Variants in EFCAB6 observed in about 807,000 individuals in gnomAD.
EFCAB6 encodes the protein EF-hand calcium binding domain 6.
Under a neutral mutation model 169.8 loss-of-function variants are expected in EFCAB6, and 156 were observed. That is an observed-to-expected ratio of 0.92 (90% CI 0.81 to 1.05). EFCAB6 has a LOEUF of 1.05. EFCAB6 is among the 50% of genes least tolerant of loss of function. EFCAB6 has a pLI of 0.00. For synonymous variants in EFCAB6, 698 were observed against 676.4 expected, an observed-to-expected ratio of 1.03 and a Z score of -0.50; for missense variants, 1,800 against 1,829.1, an observed-to-expected ratio of 0.98 and a Z score of 0.29.
chr22:43,805,386 C>A (rs1279741147), intron 2 of EFCAB6, among the ~76,000 whole-genome samples: 3 of 152,160 alleles, frequency 2.0e-5, no homozygotes, highest in Non-Finnish European at 2.9e-5. Flanking sequence ...CCATTTGTAG[C>A]AACATGGATA....
In EFCAB6 at chr22:43,711,470, C is replaced by T. The variant is rs371088798; in HGVS notation, c.1031+5G>A. Reference sequence around the variant, plus strand: ...AAAATGTCAAGGAAACAATGAGACTCTTACCTTTTCATTAACTGGATAAAA... The same window carrying T: ...AAAATGTCAAGGAAACAATGAGACTTTTACCTTTTCATTAACTGGATAAAA... On this transcript the variant is annotated splice_donor_5th_base_variant and intron_variant, in intron 10 of 31. Transcript: ENST00000262726. 14 of 1,576,760 alleles carry T rather than the reference C, an allele frequency of 8.9e-6. No individual in the cohort carries two copies. Among genetic ancestry groups the T allele is most frequent in the Non-Finnish European group, 1.1e-5 (13 of 1,168,074 alleles).
chr22:43,793,148 G>A lies in EFCAB6; in HGVS notation c.-7-10823C>T, dbSNP rs998313727. Reference sequence around the variant, plus strand: ...GCATTTTATTACTTGAATACAAAGTGATTCAATTCAAGAAACACTTAGTTG... The same window carrying A: ...GCATTTTATTACTTGAATACAAAGTAATTCAATTCAAGAAACACTTAGTTG... On this transcript the variant is annotated intron_variant, in intron 2 of 31. Transcript: ENST00000262726. Among the ~76,000 whole-genome samples the A allele has an allele frequency of 2.0e-5, 3 of 152,128 alleles. No individual in the cohort carries two copies. The East Asian group carries it at 5.8e-4, about 29-fold the overall frequency.
chr22:43,653,396 C>A (rs928321309), intron 17 of EFCAB6, among the ~76,000 whole-genome samples: 4 of 152,122 alleles, frequency 2.6e-5, no homozygotes, highest in Non-Finnish European at 5.9e-5. Flanking sequence ...AAGACATAGA[C>A]CATGGAACGG....
chr22:43,674,281 C>A (rs564532082), intron 13 of EFCAB6, among the ~76,000 whole-genome samples: 1 of 152,170 alleles, frequency 6.6e-6, no homozygotes, highest in Non-Finnish European at 1.5e-5. Context: ...CATGTTTATT[C>A]ATTCATTCAA....
At chr22:43,625,599 A>G (rs1419592276) in intron 20 of EFCAB6, among the ~76,000 whole-genome samples, 1 of 152,222 alleles carries the variant, frequency 6.6e-6, no homozygotes, top group Non-Finnish European at 1.5e-5. Flanking sequence ...GCCGGAGCTC[A>G]GCTGGACACT....
Position 43,537,632 on chromosome 22 carries a change from G to C in EFCAB6, c.3880-87C>G, listed in dbSNP as rs2047459420. The stretch of plus-strand genomic sequence containing the variant: ...ATACCTCAATACCTCCAGTTTTGAG[G>C]TTCACAATTTTAGAGGCAGAATTAG... On this transcript the variant is annotated intron_variant, in intron 28 of 31. Coordinates refer to ENST00000262726, the MANE Select transcript of EFCAB6 (RefSeq NM_022785.4). The surrounding 1 kb of genome is among the most constrained non-coding windows in gnomAD (Gnocchi z 4.3). The C allele has an allele frequency of 1.4e-6, 2 of 1,432,090 alleles. No homozygotes were observed. The highest frequency in any genetic ancestry group is 1.5e-5 in the South Asian group (1 of 67,896). 88.7% of individuals were successfully genotyped at this position (1,432,090 alleles called of 1,614,324 possible).
intron 20 of EFCAB6, among the ~76,000 whole-genome samples, chr22:43,617,709 C>A (rs1233620292): frequency 2.0e-5 from 3 of 152,204 alleles, no homozygotes; most frequent in African/African-American, 7.2e-5. Flanking sequence ...CTATGTGCTG[C>A]TCTAGAACCT....
chr22:43,800,011 G>A (rs1417908247), intron 2 of EFCAB6, among the ~76,000 whole-genome samples: 2 of 152,204 alleles, frequency 1.3e-5, no homozygotes, highest in Non-Finnish European at 2.9e-5. Flanking sequence ...CCTGAAGGGA[G>A]AAACATCCCT....
intron 2 of EFCAB6, among the ~76,000 whole-genome samples, chr22:43,788,067 T>C (rs576179868): frequency 6.6e-6 from 1 of 152,188 alleles, no homozygotes; most frequent in African/African-American, 2.4e-5. Flanking sequence ...TCACACCATA[T>C]ACAAAAATTA....
chr22:43,796,477 A>C (rs1403627892), intron 2 of EFCAB6, among the ~76,000 whole-genome samples: 2 of 152,222 alleles, frequency 1.3e-5, no homozygotes, highest in African/African-American at 4.8e-5. Flanking sequence ...TGGATATAAA[A>C]GTCTAATTTC....
chr22:43,626,152 ATATT>A (rs149668610), intron 20 of EFCAB6, among the ~76,000 whole-genome samples: 299 of 152,332 alleles, frequency 2.0e-3, no homozygotes, highest in Non-Finnish European at 3.4e-3. Flanking sequence ...ATATATGTAT[ATATT>A]TATATATGTG....
intron 17 of EFCAB6, among the ~76,000 whole-genome samples, chr22:43,647,838 T>C (rs1464514521): frequency 9.2e-5 from 14 of 152,184 alleles, no homozygotes; most frequent in Non-Finnish European, 1.9e-4. Context: ...GGATGCCGGA[T>C]GGCAGGCAGC....
chr22:43,797,849 A>C (rs1369772603), intron 2 of EFCAB6, among the ~76,000 whole-genome samples: 1 of 151,968 alleles, frequency 6.6e-6, no homozygotes, highest in Non-Finnish European at 1.5e-5. Flanking sequence ...CCTCAACCAC[A>C]CTGGCAGTCC....
chr22:43,777,403 A>C lies in EFCAB6; in HGVS notation c.140-4300T>G, dbSNP rs566737677. Among the ~76,000 whole-genome samples the C allele has an allele frequency of 4.0e-4, 61 of 152,326 alleles. No individual in the cohort carries two copies. In the South Asian group the frequency reaches 6.8e-3, roughly 17 times the overall value. On this transcript the variant is annotated intron_variant, in intron 3 of 31. Transcript: ENST00000262726. ...ATGACTCACTTAAGAGAGGGCAGAC[A>C]GGGAACAGAGGAATGAGCACAGCCC...
In EFCAB6 at chr22:43,769,835, A is replaced by G. The variant is rs751721768; in HGVS notation, c.351+3057T>C. 5.1e-4 allele frequency among the ~76,000 whole-genome samples: 76 copies of G among 149,848 alleles called. 1 individual carries two copies. Among genetic ancestry groups the G allele is most frequent in the Non-Finnish European group, 1.5e-4 (10 of 67,660 alleles). On this transcript the variant is annotated intron_variant, in intron 4 of 31. Coordinates refer to ENST00000262726, the MANE Select transcript of EFCAB6 (RefSeq NM_022785.4). ...ATCGTGGCTCACTGCAACCTCCAAC[A>G]CCTGGGCTCAAGGTGAGCTAATTTT...
intron 10 of EFCAB6, among the ~76,000 whole-genome samples, chr22:43,707,619 GA>G (rs1333109510): frequency 6.6e-6 from 1 of 152,192 alleles, no homozygotes; most frequent in Non-Finnish European, 1.5e-5. Context: ...GTACTAAAAG[GA>G]GATAATTCTC....
At chr22:43,649,209 C>T (rs1039317224) in intron 17 of EFCAB6, among the ~76,000 whole-genome samples, 8 of 152,140 alleles carry the variant, frequency 5.3e-5, no homozygotes, top group African/African-American at 1.9e-4. Flanking sequence ...CCATCATAAG[C>T]ACATAGGTTT....
chr22:43,742,584 C>G (rs566848473), intron 6 of EFCAB6, among the ~76,000 whole-genome samples: 1 of 152,334 alleles, frequency 6.6e-6, no homozygotes, highest in South Asian at 2.1e-4. Context: ...AGGCTCAGAG[C>G]CAGGAAATGG....
In EFCAB6 at chr22:43,633,651, C is replaced by T. The variant is rs868630223; in HGVS notation, c.2099-1413G>A. Among the ~76,000 whole-genome samples, 3 of 152,212 alleles carry T rather than the reference C, an allele frequency of 2.0e-5. No individual in the cohort carries two copies. In the South Asian group the frequency reaches 6.2e-4, roughly 32 times the overall value. ...ATCTGAGTGTGACCTTGTGTCAAAG[C>T]CAGGCTACACACCAGGGACTTGGTT... On this transcript the variant is annotated intron_variant, in intron 18 of 31. Transcript: ENST00000262726.
Sources: allele counts gnomAD v4.1 joint callset (sites outside exome capture counted in the v4.1 genomes callset), GRCh38; gene constraint gnomAD v4.1.1; non-coding constraint Gnocchi (gnomAD v3.1); transcripts MANE v1.5; gene names NCBI Gene and HGNC (gene_info 2026-07-23, HGNC 2026-07-21).